CSMD1: variants seen among roughly 807,000 people sequenced by gnomAD.
CSMD1 encodes CUB and Sushi multiple domains 1.
Under a neutral mutation model 417.5 loss-of-function variants are expected in CSMD1, and 213 were observed. The ratio of observed to expected loss-of-function variants is 0.51; its 90% CI spans 0.46 to 0.57. CSMD1 has a LOEUF of 0.57. CSMD1 is among the 20% of genes least tolerant of loss of function. The probability of loss-of-function intolerance (pLI) is 0.00; values close to 1 mark genes in which losing one functional copy is unlikely to be tolerated. For missense variants in CSMD1, 6,923 were observed against 4,529.7 expected (o/e 1.53, Z -15.17); for synonymous variants, 2,862 against 1,736.8 (o/e 1.65, Z -16.11).
chr8:3,806,491 G>C (rs1228491805), intron 5 of CSMD1, among the ~76,000 whole-genome samples: 10 of 152,108 alleles, frequency 6.6e-5, no homozygotes, highest in Admixed American at 1.3e-4. Flanking sequence ...GTCTCCAAAA[G>C]AACCAACACA....
intron 2 of CSMD1, among the ~76,000 whole-genome samples, chr8:4,618,270 C>T (rs373184509): frequency 6.8e-6 from 1 of 146,936 alleles, no homozygotes; most frequent in South Asian, 2.2e-4. Context: ...AATGGCGCCT[C>T]TTTTGTAATA....
chr8:4,580,654 T>C (rs1799370981), intron 2 of CSMD1, among the ~76,000 whole-genome samples: 1 of 152,124 alleles, frequency 6.6e-6, no homozygotes, highest in Admixed American at 6.5e-5. Context: ...CATTCTCTTC[T>C]ACCCTGGCTG....
intron 5 of CSMD1, among the ~76,000 whole-genome samples, chr8:3,963,669 G>A (rs541930102): frequency 6.6e-6 from 1 of 152,158 alleles, no homozygotes; most frequent in Non-Finnish European, 1.5e-5. Context: ...GTATGATTTT[G>A]TATGTGTGTA....
At chr8:3,946,684 G>A (rs1811250084) in intron 5 of CSMD1, among the ~76,000 whole-genome samples, 1 of 151,986 alleles carries the variant, frequency 6.6e-6, no homozygotes, top group Non-Finnish European at 1.5e-5. Flanking sequence ...TCTCATTCAT[G>A]GTCTAGTGTA....
chr8:4,940,664 TA>T (rs1170925692), intron 1 of CSMD1, among the ~76,000 whole-genome samples: 1 of 152,198 alleles, frequency 6.6e-6, no homozygotes, highest in Non-Finnish European at 1.5e-5. Context: ...CTTTAACACA[TA>T]AAACAAACCA....
At chr8:4,508,277 G>C (rs1563242438) in intron 2 of CSMD1, among the ~76,000 whole-genome samples, 1 of 151,654 alleles carries the variant, frequency 6.6e-6, no homozygotes, top group Non-Finnish European at 1.5e-5. Context: ...CACTTTGCTA[G>C]ATGCATTGGA....
At chr8:4,256,816 G>C (rs1024197921) in intron 3 of CSMD1, among the ~76,000 whole-genome samples, 2 of 152,162 alleles carry the variant, frequency 1.3e-5, no homozygotes, top group Non-Finnish European at 2.9e-5. Flanking sequence ...GCATAAAGTC[G>C]AGTTATGAGC....
In CSMD1 at chr8:3,093,382, T is replaced by A. The variant is rs1377160253; in HGVS notation, c.7139-1720A>T. 2.0e-5 allele frequency among the ~76,000 whole-genome samples: 3 copies of A among 152,026 alleles called. No homozygotes were observed. The East Asian group carries it at 5.8e-4, about 29-fold the overall frequency. On this transcript the variant is annotated intron_variant, in intron 47 of 69. Coordinates refer to ENST00000635120, the MANE Select transcript of CSMD1 (RefSeq NM_033225.6). ...GAATTGTGAGAACATAAATTTCTGT[T>A]GAGGCTAGGCATGGTGGCTCACACC...
chr8:4,000,298 C>T (rs1357502846), intron 4 of CSMD1, among the ~76,000 whole-genome samples: 7 of 152,228 alleles, frequency 4.6e-5, no homozygotes, highest in African/African-American at 7.2e-5. Context: ...GAACCAGCTG[C>T]ACAACTGCCC....
chr8:3,652,052 ACCATCGCACTTACCC>A (rs1797883315), intron 7 of CSMD1, among the ~76,000 whole-genome samples: 1 of 151,342 alleles, frequency 6.6e-6, no homozygotes, highest in African/African-American at 2.4e-5. Context: ...AGCACCCACC[ACCATCGCACTTACCC>A]CCATCAGAGC....
chr8:3,737,793 G>A (rs565930301), intron 6 of CSMD1, among the ~76,000 whole-genome samples: 41 of 152,198 alleles, frequency 2.7e-4, no homozygotes, highest in African/African-American at 9.6e-4. Flanking sequence ...AATCAAAGGA[G>A]ACAAATAAAA....
At chr8:3,838,080 A>C (rs1001663289) in intron 5 of CSMD1, among the ~76,000 whole-genome samples, 1 of 152,114 alleles carries the variant, frequency 6.6e-6, no homozygotes, top group Non-Finnish European at 1.5e-5. Context: ...GGGCTTTGGG[A>C]AAGCTGTAGC....
At chr8:4,325,303 C>A (rs1018751681) in intron 3 of CSMD1, among the ~76,000 whole-genome samples, 7 of 152,114 alleles carry the variant, frequency 4.6e-5, no homozygotes, top group Admixed American at 4.6e-4. Context: ...AATTAAATGG[C>A]AACCTAGCAA....
chr8:3,717,078 T>C (rs1195586987), intron 6 of CSMD1, among the ~76,000 whole-genome samples: 1 of 152,238 alleles, frequency 6.6e-6, no homozygotes, highest in Admixed American at 6.5e-5. Flanking sequence ...TACTAGAACC[T>C]GCTGGCTTTA....
At chr8:4,424,878 A>G (rs1797455885) in intron 2 of CSMD1, among the ~76,000 whole-genome samples, 1 of 152,076 alleles carries the variant, frequency 6.6e-6, no homozygotes, top group Admixed American at 6.6e-5. Context: ...ATTTCTTTTA[A>G]CTACATGTGA....
intron 3 of CSMD1, among the ~76,000 whole-genome samples, chr8:4,307,649 G>T (rs976965835): frequency 2.0e-5 from 3 of 152,120 alleles, no homozygotes; most frequent in Admixed American, 2.0e-4. Context: ...TCTCAAGGAC[G>T]ATGGGAAATG....
intron 3 of CSMD1, among the ~76,000 whole-genome samples, chr8:4,230,354 T>G (rs1461436892): frequency 6.6e-6 from 1 of 152,186 alleles, no homozygotes; most frequent in African/African-American, 2.4e-5. Context: ...TCAAGCCGAG[T>G]AAACTCTGGT....
At chr8:4,095,539 G>A (rs1194475334) in intron 3 of CSMD1, among the ~76,000 whole-genome samples, 1 of 152,162 alleles carries the variant, frequency 6.6e-6, no homozygotes, top group Non-Finnish European at 1.5e-5. Flanking sequence ...ATGTAAACAT[G>A]CAACTTTTAA....
rs536635918 is a variant in CSMD1 at position 4,446,832 on chromosome 8, A to G, written c.303-26767T>C. On this transcript the variant is annotated intron_variant, in intron 2 of 69. Transcript: ENST00000635120. ...GAGCCAAGTTTTCTCCATCTTGGCC[A>G]GACTGGTCTTGAACTCCTGACCTTG... 4.4e-3 allele frequency among the ~76,000 whole-genome samples: 666 copies of G among 151,108 alleles called. 3 individuals carry two copies. Among genetic ancestry groups the G allele is most frequent in the Middle Eastern group, 0.01 (3 of 290 alleles).
Sources: gnomAD v4.1 joint callset for allele counts (sites outside exome capture counted in the v4.1 genomes callset) on GRCh38, gnomAD v4.1.1 for gene constraint, MANE v1.5 for transcripts, NCBI Gene and HGNC (gene_info 2026-07-23, HGNC 2026-07-21) for gene names.